Variants in TTC6 observed in about 807,000 individuals in gnomAD.
The protein encoded by TTC6 is tetratricopeptide repeat protein 6.
Under a neutral mutation model 210.4 loss-of-function variants are expected in TTC6, and 172 were observed. That is an observed-to-expected ratio of 0.82 (90% CI 0.72 to 0.93). The LOEUF (loss-of-function observed/expected upper bound fraction) is 0.93. TTC6 is among the 40% of genes least tolerant of loss of function. The pLI is 0.00. For synonymous variants in TTC6, 804 were observed against 819.6 expected, an observed-to-expected ratio of 0.98 and a Z score of 0.32; for missense variants, 2,414 against 2,318.1, an observed-to-expected ratio of 1.04 and a Z score of -0.85.
intron 27 of TTC6, among the ~76,000 whole-genome samples, chr14:37,824,722 T>G (rs1244189330): frequency 6.6e-6 from 1 of 152,058 alleles, no homozygotes; most frequent in Non-Finnish European, 1.5e-5. Context: ...CTAGCTTTGT[T>G]TGAGAGGTGA....
chr14:37,765,101 G>T (rs889360315), intron 14 of TTC6, among the ~76,000 whole-genome samples: 2 of 151,830 alleles, frequency 1.3e-5, no homozygotes, highest in African/African-American at 4.8e-5. Flanking sequence ...AAAATTTTGT[G>T]CCTGTATAAG....
chr14:37,635,981 C>CAAAAAAAAAAAA (rs71433909), intron 1 of TTC6, among the ~76,000 whole-genome samples: 163 of 70,056 alleles, frequency 2.3e-3, no homozygotes, highest in Non-Finnish European at 2.9e-3. Context: ...ATTCCATTTC[C>CAAAAAAAAAAAA]AAAAAAAAAA....
At chr14:37,832,329 C>CTTTTTTTT (rs58133834) in intron 29 of TTC6, among the ~76,000 whole-genome samples, 2 of 68,914 alleles carry the variant, frequency 2.9e-5, no homozygotes, top group Non-Finnish European at 5.6e-5. Flanking sequence ...TTCTTTCTCT[C>CTTTTTTTT]TTTTTTTTTT....
chr14:37,708,738 A>G (rs1416429260), intron 5 of TTC6, among the ~76,000 whole-genome samples: 1 of 152,040 alleles, frequency 6.6e-6, no homozygotes, highest in Non-Finnish European at 1.5e-5. Flanking sequence ...TTGTGAACCA[A>G]TTTTGGAAGC....
intron 29 of TTC6, 101 bp downstream of exon 31, chr14:37,827,467 C>T: frequency 9.4e-7 from 1 of 1,067,146 alleles, no homozygotes; most frequent in Non-Finnish European, 1.3e-6. Context: ...GCTAATAATG[C>T]ATTGGCTATT....
intron 14 of TTC6, among the ~76,000 whole-genome samples, chr14:37,770,573 CT>C (rs1227591260): frequency 6.6e-6 from 1 of 151,812 alleles, no homozygotes; most frequent in Non-Finnish European, 1.5e-5. Flanking sequence ...TTCTTTGTCT[CT>C]TTTGATCTTT....
intron 1 of TTC6, among the ~76,000 whole-genome samples, chr14:37,650,971 G>A (rs1422823719): frequency 1.3e-5 from 2 of 152,168 alleles, no homozygotes; most frequent in Non-Finnish European, 2.9e-5. Flanking sequence ...TGGATGGGAT[G>A]CTAGTTTGAG....
intron 24 of TTC6, among the ~76,000 whole-genome samples, chr14:37,810,164 C>A (rs2096126826): frequency 6.6e-6 from 1 of 152,144 alleles, no homozygotes. Flanking sequence ...AAATGAATAG[C>A]TAATTTTTAA....
At chr14:37,745,373 T>C (rs953283283) in intron 10 of TTC6, among the ~76,000 whole-genome samples, 1 of 152,152 alleles carries the variant, frequency 6.6e-6, no homozygotes. Flanking sequence ...ACCTATATCC[T>C]TCAAGTCTCT....
At chr14:37,764,038 T>A (rs2095991782) in intron 14 of TTC6, among the ~76,000 whole-genome samples, 1 of 152,114 alleles carries the variant, frequency 6.6e-6, no homozygotes, top group Non-Finnish European at 1.5e-5. Context: ...CTTTGTAATT[T>A]TCCCTTTGAC....
chr14:37,828,934 T>C (rs1341232465), intron 29 of TTC6, among the ~76,000 whole-genome samples: 8 of 152,044 alleles, frequency 5.3e-5, no homozygotes, highest in Non-Finnish European at 1.5e-5. Flanking sequence ...ATGCCTGCTT[T>C]GTGAAAATTG....
chr14:37,611,488 C>A (rs763662461), intron 2 of TTC6: 3 of 152,732 alleles, frequency 2.0e-5, no homozygotes, highest in Non-Finnish European at 4.4e-5. Context: ...GGCAGGTTCA[C>A]CCCGGCAGAA....
intron 14 of TTC6, among the ~76,000 whole-genome samples, chr14:37,759,177 C>T (rs975932736): frequency 1.8e-4 from 27 of 150,850 alleles, no homozygotes; most frequent in Non-Finnish European, 1.5e-4. Context: ...GCAGGAGAAT[C>T]GCTTGTACCT....
intron 1 of TTC6, among the ~76,000 whole-genome samples, chr14:37,644,070 A>C (rs955275456): frequency 5.3e-5 from 8 of 152,218 alleles, no homozygotes; most frequent in Admixed American, 6.5e-5. Context: ...TGCATAATTC[A>C]TATCAGCTGT....
At chr14:37,839,838 A>T (rs1387154903) in intron 29 of TTC6, among the ~76,000 whole-genome samples, 2 of 152,192 alleles carry the variant, frequency 1.3e-5, no homozygotes, top group African/African-American at 2.4e-5. Context: ...GGTGGAAGGA[A>T]GGGATCTAGT....
At chr14:37,637,895 T>G (rs148945761) in intron 1 of TTC6, among the ~76,000 whole-genome samples, 3 of 152,162 alleles carry the variant, frequency 2.0e-5, no homozygotes, top group Non-Finnish European at 2.9e-5. Context: ...GAATATAAGA[T>G]GACATAGCCA....
intron 3 of TTC6, among the ~76,000 whole-genome samples, chr14:37,683,170 T>A (rs1234321674): frequency 6.6e-6 from 1 of 152,096 alleles, no homozygotes; most frequent in East Asian, 1.9e-4. Context: ...GTGTCAACCC[T>A]AATTGCAACT....
At chr14:37,795,738 G>T (rs1448699730) in intron 18 of TTC6, among the ~76,000 whole-genome samples, 1 of 152,080 alleles carries the variant, frequency 6.6e-6, no homozygotes, top group East Asian at 1.9e-4. Flanking sequence ...CTAATTCAGT[G>T]AAAAGAAGTG....
chr14:37,753,919 C>G (rs1250105359), intron 14 of TTC6, among the ~76,000 whole-genome samples: 2 of 151,770 alleles, frequency 1.3e-5, no homozygotes, highest in African/African-American at 4.8e-5. Context: ...GTATATTAAA[C>G]TTCGTGCATT....
Sources: gnomAD v4.1 joint callset for allele counts (sites outside exome capture counted in the v4.1 genomes callset) on GRCh38, gnomAD v4.1.1 for gene constraint, MANE v1.5 for transcripts, NCBI Gene and HGNC (gene_info 2026-07-23, HGNC 2026-07-21) for gene names.